Variants in PLPP7 observed in about 807,000 individuals in gnomAD.
PLPP7 encodes the protein phospholipid phosphatase 7 (inactive), also known as inactive phospholipid phosphatase 7.
In PLPP7, 11 loss-of-function variants were observed where a neutral mutation model predicts 16.9. The ratio of observed to expected loss-of-function variants is 0.65; its 90% CI spans 0.41 to 1.08. PLPP7 has a LOEUF of 1.08. Among genes scored for constraint, PLPP7 ranks in the 50% least tolerant of loss-of-function variants. The pLI, the probability that PLPP7 is intolerant of heterozygous loss-of-function variation, is 0.00. For synonymous variants in PLPP7, 174 were observed against 175.1 expected (o/e 0.99, Z 0.05); for missense variants, 358 against 397.1 (o/e 0.90, Z 0.84).
intron 1 of PLPP7, among the ~76,000 whole-genome samples, chr9:131,302,206 C>G (rs1356027951): frequency 6.6e-6 from 1 of 152,168 alleles, no homozygotes; most frequent in African/African-American, 2.4e-5. Flanking sequence ...GACTTGAACC[C>G]CACCTGTGAC....
At chr9:131,293,840 C>T (rs184002447) in intron 1 of PLPP7, among the ~76,000 whole-genome samples, 3 of 152,216 alleles carry the variant, frequency 2.0e-5, no homozygotes, top group African/African-American at 7.2e-5. Flanking sequence ...GACATCACTG[C>T]AATACTGAAG....
At position 131,290,110 on chromosome 9, in the gene PLPP7, C is replaced by T. The variant is rs774996972; in HGVS notation, c.113C>T (p.Ser38Leu). The change falls in exon 1 of 2, where the codon TCG becomes TTG. Residue 38 changes from serine (S) to leucine (L), a missense_variant. Coordinates refer to ENST00000372264, the MANE Select transcript of PLPP7 (RefSeq NM_032728.4). The surrounding 1 kb of genome is among the most constrained non-coding windows in gnomAD (Gnocchi z 4.2). ...PPKGGPEPRS[S>L]GRKASGPSAQ... ...AAGGGGGGCCCGGAGCCCCGCAGCT[C>T]GGGCAGAAAGGCCTCGGGCCCATCA... 3.9e-6 allele frequency: 6 copies of T among 1,531,500 alleles called. No homozygotes were observed. In the Admixed American group the frequency reaches 1.0e-4, roughly 26 times the overall value. The allele number at this position is 1,531,500 out of a possible 1,614,324, so 94.9% of individuals were successfully genotyped here.
chr9:131,301,785 A>G (rs2131218602), intron 1 of PLPP7, among the ~76,000 whole-genome samples: 1 of 151,006 alleles, frequency 6.6e-6, no homozygotes, highest in South Asian at 2.1e-4. Flanking sequence ...TGAGTAGACC[A>G]AGGCGCTGAG....
At chr9:131,291,058 G>A in intron 1 of PLPP7, 3 of 1,366,114 alleles carry the variant, frequency 2.2e-6, no homozygotes, top group South Asian at 1.1e-5. Flanking sequence ...GGGTTCGGGG[G>A]GCCAGTTGTG....
In PLPP7 at chr9:131,297,930, C is replaced by T. The variant is rs146061476; in HGVS notation, c.451+7482C>T. 1.1e-3 allele frequency among the ~76,000 whole-genome samples: 175 copies of T among 152,196 alleles called. 2 individuals carry two copies. In the East Asian group the frequency reaches 0.031, roughly 27 times the overall value. ...ACTGGAAATCCTATTTTATAAGTGG[C>T]CTTTTCCACTTAACATACCCCATGG... On this transcript the variant is annotated intron_variant, in intron 1 of 1. Transcript: ENST00000372264.
intron 1 of PLPP7, among the ~76,000 whole-genome samples, chr9:131,301,048 A>C (rs148544690): frequency 6.9e-4 from 105 of 152,224 alleles, no homozygotes; most frequent in African/African-American, 2.4e-3. Context: ...AGCTCACTGC[A>C]ACGTCCATCT....
intron 1 of PLPP7, among the ~76,000 whole-genome samples, chr9:131,298,313 A>G (rs1167492466): frequency 6.6e-6 from 1 of 152,138 alleles, no homozygotes; most frequent in Non-Finnish European, 1.5e-5. Flanking sequence ...TCCGGAAGCC[A>G]GAATGGGGGA....
At position 131,294,026 on chromosome 9, in the gene PLPP7, C is replaced by T. The variant is rs140108108; in HGVS notation, c.451+3578C>T. 4.1e-3 allele frequency among the ~76,000 whole-genome samples: 628 copies of T among 152,276 alleles called. 7 individuals carry two copies. The highest frequency in any genetic ancestry group is 0.014 in the African/African-American group (598 of 41,570). On this transcript the variant is annotated intron_variant, in intron 1 of 1. Transcript: ENST00000372264. ...GCTTGGGAAATGGGAGCTGCAGCTA[C>T]GAGGCCTAGGAAGGGTCCTGCTGGG...
intron 1 of PLPP7, chr9:131,291,179 G>A: frequency 1.5e-6 from 2 of 1,365,500 alleles, no homozygotes. Flanking sequence ...TCCACCCAGA[G>A]GTGATGCCCA....
Position 131,290,232 on chromosome 9 carries a change from G to A in PLPP7, c.235G>A (p.Gly79Ser). Reference sequence around the variant, plus strand: ...CATGCAGCTGAACCCCTCCTTCAAGGGCATCGCCTTCAACTCCCTGCTGGC... The same window carrying A: ...CATGCAGCTGAACCCCTCCTTCAAGAGCATCGCCTTCAACTCCCTGCTGGC... ...DCMQLNPSFK[G>S]IAFNSLLAID... The change falls in exon 1 of 2, where the codon GGC becomes AGC. Residue 79 changes from glycine (G) to serine (S), a missense_variant. Physicochemically the swap from Gly to Ser is moderately conservative, Grantham distance 56 (BLOSUM62 0). Transcript: ENST00000372264. The surrounding 1 kb of genome is among the most constrained non-coding windows in gnomAD (Gnocchi z 4.2). 6.2e-7 allele frequency: 1 copy of A among 1,610,056 alleles called. No homozygotes were observed. The highest frequency in any genetic ancestry group is 8.5e-7 in the Non-Finnish European group (1 of 1,177,826).
intron 1 of PLPP7, among the ~76,000 whole-genome samples, chr9:131,293,940 G>C (rs1037235520): frequency 1.3e-5 from 2 of 152,188 alleles, no homozygotes; most frequent in African/African-American, 4.8e-5. Flanking sequence ...CTGGGAGCAA[G>C]ACCTCCGAGC....
chr9:131,291,529 G>A (rs1048036054), intron 1 of PLPP7: 1 of 484,306 alleles, frequency 2.1e-6, no homozygotes, highest in African/African-American at 2.1e-5. Flanking sequence ...AGATGGCTGG[G>A]TCTGCCACCT....
Position 131,290,355 on chromosome 9 carries a change from G to A in PLPP7, c.358G>A (p.Gly120Ser). 6.2e-7 allele frequency: 1 copy of A among 1,609,470 alleles called. No individual in the cohort carries two copies. ...RSMVKLIGIT[G>S]HGIPWIGGTI... ...CATGGTCAAGCTCATCGGCATCACG[G>A]GCCACGGCATCCCCTGGATCGGAGG... is the stretch of plus-strand genomic sequence containing the variant. Residue 120 changes from glycine to serine, a missense_variant, in exon 1 of 2, where the codon GGC becomes AGC. Physicochemically the swap from Gly to Ser is moderately conservative, Grantham distance 56. Transcript: ENST00000372264. This position sits in a 1 kb window ranked among gnomAD's most constrained non-coding sequence, Gnocchi z 4.2.
intron 1 of PLPP7, among the ~76,000 whole-genome samples, chr9:131,299,350 T>C (rs1835770152): frequency 1.3e-5 from 1 of 75,332 alleles, no homozygotes; most frequent in African/African-American, 3.9e-5. Context: ...GGGGTCTCCT[T>C]GCCCTCCTTG....
chr9:131,294,485 C>T (rs551375395), intron 1 of PLPP7, among the ~76,000 whole-genome samples: 137 of 152,240 alleles, frequency 9.0e-4, no homozygotes, highest in Non-Finnish European at 1.4e-3. Flanking sequence ...TTCTCCCTCC[C>T]GAGCAGCACC....
In PLPP7 at chr9:131,290,019, G is replaced by T. The variant is rs772294395; in HGVS notation, c.22G>T (p.Ala8Ser). The T allele has an allele frequency of 2.8e-6, 4 of 1,432,122 alleles. No homozygotes were observed. The African/African-American group carries it at 4.4e-5, about 16-fold the overall frequency. 88.7% of individuals were successfully genotyped at this position (1,432,122 alleles called of 1,614,324 possible). Residue 8 changes from alanine to serine, a missense_variant, in exon 1 of 2, where the codon GCC (alanine) becomes TCC (serine). Coordinates refer to ENST00000372264, the MANE Select transcript of PLPP7 (RefSeq NM_032728.4). The surrounding 1 kb of genome is among the most constrained non-coding windows in gnomAD (Gnocchi z 4.2). MPASQSR[A>S]RARDRNNVLN... is the part of the protein sequence containing the mutation. Reference sequence around the variant, plus strand: ...CACCATGCCAGCTTCCCAGAGCCGGGCCCGTGCCCGGGACCGCAACAACGT... The same window carrying T: ...CACCATGCCAGCTTCCCAGAGCCGGTCCCGTGCCCGGGACCGCAACAACGT...
intron 1 of PLPP7, among the ~76,000 whole-genome samples, chr9:131,307,690 G>A (rs1835869262): frequency 1.3e-5 from 2 of 151,962 alleles, no homozygotes; most frequent in Non-Finnish European, 2.9e-5. Context: ...TACAAACAGC[G>A]TGGTCAGGGA....
At chr9:131,303,676 C>T (rs973766112) in intron 1 of PLPP7, among the ~76,000 whole-genome samples, 11 of 152,130 alleles carry the variant, frequency 7.2e-5, no homozygotes, top group African/African-American at 2.2e-4. Context: ...TCATTTGCTG[C>T]GACTTCCATG....
chr9:131,306,302 G>A (rs1391870409), intron 1 of PLPP7, among the ~76,000 whole-genome samples: 1 of 152,040 alleles, frequency 6.6e-6, no homozygotes, highest in African/African-American at 2.4e-5. Flanking sequence ...AGCACTTTGG[G>A]AGGCCAAGGC....
Sources: allele counts gnomAD v4.1 joint callset (sites outside exome capture counted in the v4.1 genomes callset), GRCh38; gene constraint gnomAD v4.1.1; non-coding constraint Gnocchi (gnomAD v3.1); transcripts MANE v1.5; gene names NCBI Gene and HGNC (gene_info 2026-07-23, HGNC 2026-07-21).